Variants in MINDY3 observed in about 807,000 individuals in gnomAD.
MINDY3 encodes MINDY lysine 48 deubiquitinase 3.
MINDY3 carries 38 observed loss-of-function variants against 69.2 expected under a neutral mutation model. The ratio of observed to expected loss-of-function variants is 0.55; its 90% CI spans 0.42 to 0.72. The LOEUF (loss-of-function observed/expected upper bound fraction) is 0.72, where lower values mean the gene tolerates loss of function less well. MINDY3 is among the 30% of genes least tolerant of loss of function. The pLI is 0.00. For synonymous variants in MINDY3, 192 were observed against 180.1 expected (o/e 1.07, Z -0.53); for missense variants, 522 against 519.0 (o/e 1.01, Z -0.06).
rs1412961135 is a variant in MINDY3, at chr10:15,778,720, T to C, written c.*272A>G. The C allele has an allele frequency of 6.9e-6, 2 of 291,480 alleles. No individual in the cohort carries two copies. Among genetic ancestry groups the C allele is most frequent in the Non-Finnish European group, 1.3e-5 (2 of 156,366 alleles). 18.1% of individuals were successfully genotyped at this position (291,480 alleles called of 1,614,324 possible). On this transcript the variant is annotated 3_prime_UTR_variant, in exon 15 of 15. Transcript: ENST00000277632. Reference sequence around the variant, plus strand: ...TTGCGTTTGTAATTTGGTAAGTAAATGACCAAGTATCTGAATGCAAAAGTG... The same window carrying C: ...TTGCGTTTGTAATTTGGTAAGTAAACGACCAAGTATCTGAATGCAAAAGTG...
intron 4 of MINDY3, among the ~76,000 whole-genome samples, chr10:15,840,483 G>A (rs1833393465): frequency 6.6e-6 from 1 of 151,658 alleles, no homozygotes; most frequent in African/African-American, 2.4e-5. Context: ...CAACACAGAG[G>A]CATTTTAGTC....
chr10:15,843,408 G>T, intron 2 of MINDY3, 136 bp from the exon 3 acceptor site: 2 of 689,740 alleles, frequency 2.9e-6, no homozygotes, highest in Non-Finnish European at 2.6e-6. Flanking sequence ...ATGTCAAATG[G>T]GTTCCCCTCA....
rs73589639 is a variant in MINDY3, at chr10:15,855,106, A to C, written c.94+5100T>G. On this transcript the variant is annotated intron_variant, in intron 1 of 14. Transcript: ENST00000277632. ...TCAATTATCCACAGGTGGGGCTTTC[A>C]GTTGGAAATGCGTTACAGTGAGTTG... Among the ~76,000 whole-genome samples the C allele has an allele frequency of 8.8e-3, 1,345 of 152,234 alleles. 23 individuals are homozygous for C. The highest frequency in any genetic ancestry group is 0.03 in the African/African-American group (1,267 of 41,556).
At chr10:15,849,866 G>A (rs1250304744) in intron 1 of MINDY3, among the ~76,000 whole-genome samples, 1 of 152,096 alleles carries the variant, frequency 6.6e-6, no homozygotes, top group Non-Finnish European at 1.5e-5. Context: ...TCCTCCCAAA[G>A]TCCAGCTAGT....
intron 4 of MINDY3, among the ~76,000 whole-genome samples, chr10:15,839,973 C>T (rs1055165826): frequency 2.0e-5 from 3 of 151,534 alleles, no homozygotes; most frequent in African/African-American, 7.3e-5. Flanking sequence ...CCTATAGCAA[C>T]GTGACGTATC....
chr10:15,835,063 ATTAT>A lies in MINDY3; in HGVS notation c.577-451_577-448del, dbSNP rs1832983795. Among the ~76,000 whole-genome samples the A allele has an allele frequency of 3.3e-5, 5 of 152,200 alleles. No individual in the cohort carries two copies. The South Asian group carries it at 1.0e-3, about 32-fold the overall frequency. ...ATAACATTAAATAATTTGCGTTTTA[ATTAT>A]TTAACTGGTACATAAAATGGAAGGT... On this transcript the variant is annotated intron_variant, in intron 6 of 14. Coordinates refer to ENST00000277632, the MANE Select transcript of MINDY3 (RefSeq NM_024948.4).
At chr10:15,829,613 T>C (rs755420747) in intron 8 of MINDY3, among the ~76,000 whole-genome samples, 47 of 152,274 alleles carry the variant, frequency 3.1e-4, no homozygotes, top group African/African-American at 1.1e-3. Flanking sequence ...AAGAGAGTCA[T>C]TGAAGGCACT....
chr10:15,856,105 G>T (rs375616136), intron 1 of MINDY3, among the ~76,000 whole-genome samples: 3 of 151,892 alleles, frequency 2.0e-5, no homozygotes, highest in Middle Eastern at 3.2e-3. Flanking sequence ...ACTTTTAAAC[G>T]ATGTGATCCA....
chr10:15,798,281 A>G (rs996878916), intron 10 of MINDY3, among the ~76,000 whole-genome samples: 2 of 152,090 alleles, frequency 1.3e-5, no homozygotes, highest in Non-Finnish European at 2.9e-5. Flanking sequence ...TTACTTCAAT[A>G]TTGCTACAAA....
chr10:15,796,682 A>C (rs1837865162), intron 10 of MINDY3, among the ~76,000 whole-genome samples: 1 of 152,002 alleles, frequency 6.6e-6, no homozygotes, highest in African/African-American at 2.4e-5. Flanking sequence ...GTCAAAGCTC[A>C]ATCAACTTCT....
At chr10:15,797,487 C>G (rs888583260) in intron 10 of MINDY3, among the ~76,000 whole-genome samples, 18 of 152,010 alleles carry the variant, frequency 1.2e-4, no homozygotes, top group Admixed American at 1.2e-3. Flanking sequence ...ACTTTCAATG[C>G]CTTTTTGATT....
chr10:15,816,695 A>G, intron 10 of MINDY3, 140 bp downstream of exon 10: 1 of 647,956 alleles, frequency 1.5e-6, no homozygotes, highest in South Asian at 1.9e-5. Context: ...GTTCTTCAGT[A>G]TTAGTTTTTG....
chr10:15,786,846 C>G (rs1837010182), intron 12 of MINDY3, among the ~76,000 whole-genome samples, 198 bp from the exon 13 acceptor site: 1 of 152,026 alleles, frequency 6.6e-6, no homozygotes, highest in Non-Finnish European at 1.5e-5. Flanking sequence ...CTAGAGTAAT[C>G]TGTTACTATT....
intron 12 of MINDY3, among the ~76,000 whole-genome samples, chr10:15,786,857 T>G (rs541046543): frequency 1.3e-5 from 2 of 152,286 alleles, no homozygotes; most frequent in South Asian, 4.1e-4. Flanking sequence ...TGTTACTATT[T>G]AAAATTTAAA....
At chr10:15,820,045 T>C (rs997480493) in intron 9 of MINDY3, among the ~76,000 whole-genome samples, 1 of 152,076 alleles carries the variant, frequency 6.6e-6, no homozygotes, top group African/African-American at 2.4e-5. Flanking sequence ...GAGTCTATAT[T>C]CCATTAGGGA....
chr10:15,848,633 CAAAAAAAAAAAA>C (rs10719399), intron 1 of MINDY3, among the ~76,000 whole-genome samples: 5 of 48,798 alleles, frequency 1.0e-4, no homozygotes, highest in East Asian at 5.7e-4. Context: ...GACTTCATCT[CAAAAAAAAAAAA>C]AAAAAAAAAA....
intron 10 of MINDY3, among the ~76,000 whole-genome samples, chr10:15,812,753 C>T (rs10904629): frequency 0.61 from 92,397 of 152,038 alleles, 30,424 homozygotes; most frequent in African/African-American, 0.88. Context: ...GATGTGCATA[C>T]AGTGAACAAA....
At chr10:15,782,680 A>G (rs1836640113) in intron 13 of MINDY3, among the ~76,000 whole-genome samples, 1 of 152,094 alleles carries the variant, frequency 6.6e-6, no homozygotes, top group South Asian at 2.1e-4. Flanking sequence ...ACGATGTTTA[A>G]TTAGTGGTTT....
At chr10:15,849,824 C>T (rs1374261285) in intron 1 of MINDY3, among the ~76,000 whole-genome samples, 1 of 152,084 alleles carries the variant, frequency 6.6e-6, no homozygotes, top group African/African-American at 2.4e-5. Context: ...AAGATTCCAC[C>T]AAAAACTCCA....
Sources: allele counts gnomAD v4.1 joint callset (sites outside exome capture counted in the v4.1 genomes callset), GRCh38; gene constraint gnomAD v4.1.1; transcripts MANE v1.5; gene names NCBI Gene and HGNC (gene_info 2026-07-23, HGNC 2026-07-21).